ANO1: variants seen among roughly 807,000 people sequenced by gnomAD.
ANO1 encodes the protein anoctamin-1.
A neutral mutation model predicts 124.0 loss-of-function variants in ANO1; 59 were observed. The observed-to-expected ratio is 0.48, with a 90% CI of 0.39 to 0.59. The LOEUF is 0.59. Ranked by LOEUF, ANO1 falls within the 20% of genes least tolerant of loss-of-function variation. ANO1 has a pLI of 0.00. For missense variants in ANO1, 1,059 were observed against 1,328.0 expected, an observed-to-expected ratio of 0.80 and a Z score of 3.15; for synonymous variants, 529 against 532.0, an observed-to-expected ratio of 0.99 and a Z score of 0.08.
chr11:70,073,239 C>T (rs1367586822), intron 1 of ANO1, among the ~76,000 whole-genome samples: 1 of 152,184 alleles, frequency 6.6e-6, no homozygotes, highest in South Asian at 2.1e-4. Flanking sequence ...GCAGGGTTTC[C>T]GATACCAATG....
Position 70,161,719 on chromosome 11 carries a change from G to A in ANO1, c.1878G>A (p.Ala626=), listed in dbSNP as rs559371606. Residue 626 remains alanine (A), a synonymous_variant, in exon 18 of 26, where the codon GCG becomes GCA. Transcript: ENST00000355303. The part of the protein sequence containing the change: ...VNSYTPIFYV[A]FFKGRFVGRP... Reference sequence around the variant, plus strand: ...CCTACACCCCCATCTTTTACGTGGCGTTCTTCAAAGGCCGGTAGGGACATC... The same window carrying A: ...CCTACACCCCCATCTTTTACGTGGCATTCTTCAAAGGCCGGTAGGGACATC... The A allele has an allele frequency of 4.0e-5, 64 of 1,613,964 alleles. 1 individual carries two copies. Among genetic ancestry groups the A allele is most frequent in the Middle Eastern group, 1.6e-4 (1 of 6,062 alleles).
intron 1 of ANO1, among the ~76,000 whole-genome samples, chr11:70,024,508 C>A (rs575372473): frequency 6.6e-6 from 1 of 152,318 alleles, no homozygotes; most frequent in South Asian, 2.1e-4. Context: ...AGAGTGGTCC[C>A]AGCTAAGGTT....
chr11:70,088,965 C>A (rs574232387), intron 2 of ANO1, among the ~76,000 whole-genome samples: 4 of 152,234 alleles, frequency 2.6e-5, no homozygotes, highest in Non-Finnish European at 4.4e-5. Flanking sequence ...GTCGACCCCC[C>A]TCGAGTGCCT....
intron 2 of ANO1, 25 bp downstream of exon 2, chr11:70,088,109 TGTGGGGG>T: frequency 5.6e-5 from 9 of 160,204 alleles, no homozygotes; most frequent in African/African-American, 7.5e-5. Flanking sequence ...GCGCGCTGTT[TGTGGGGG>T]GTGGGGGGTG....
chr11:70,080,953 A>G (rs1348607970), intron 1 of ANO1, among the ~76,000 whole-genome samples: 1 of 152,202 alleles, frequency 6.6e-6, no homozygotes, highest in Non-Finnish European at 1.5e-5. Flanking sequence ...TTGCTCAGTC[A>G]TTACCCTGAG....
At chr11:70,039,964 CAGAAGG>C (rs1857156957) in intron 1 of ANO1, among the ~76,000 whole-genome samples, 1 of 152,108 alleles carries the variant, frequency 6.6e-6, no homozygotes, top group Non-Finnish European at 1.5e-5. Context: ...CTAGATGACC[CAGAAGG>C]AGTAGCAGAG....
At chr11:70,041,620 G>A (rs190391211) in intron 1 of ANO1, among the ~76,000 whole-genome samples, 34 of 152,130 alleles carry the variant, frequency 2.2e-4, no homozygotes, top group South Asian at 1.2e-3. Context: ...GTAGGTATTC[G>A]TGTAAGCACC....
intron 1 of ANO1, among the ~76,000 whole-genome samples, chr11:69,995,749 G>A (rs1856257380): frequency 6.6e-6 from 1 of 152,132 alleles, no homozygotes; most frequent in Non-Finnish European, 1.5e-5. Flanking sequence ...ATCACTGCTG[G>A]TATGGACCCC....
At chr11:69,997,989 C>A (rs181820260) in intron 1 of ANO1, among the ~76,000 whole-genome samples, 189 of 152,142 alleles carry the variant, frequency 1.2e-3, no homozygotes, top group Non-Finnish European at 9.0e-4. Context: ...TATAGCAGTG[C>A]GAGAATGGCC....
chr11:69,987,882 G>C (rs1856078025), intron 1 of ANO1, among the ~76,000 whole-genome samples: 1 of 152,228 alleles, frequency 6.6e-6, no homozygotes, highest in Non-Finnish European at 1.5e-5. Flanking sequence ...TCAGATCTGA[G>C]CTGTAATCAT....
In ANO1 at chr11:70,116,678, GCTT is replaced by G. The variant is rs975483368; in HGVS notation, c.897+180_897+182del. On this transcript the variant is annotated intron_variant, in intron 8 of 25. Transcript: ENST00000355303. ...ACCTTTTCAGGAGAAAAGTCCGTGA[GCTT>G]TGTGTGGCTGGTTTGTTTTCCTCTT... The G allele has an allele frequency of 1.0e-5, 6 of 584,040 alleles. No individual in the cohort carries two copies. In the African/African-American group the frequency reaches 1.1e-4, roughly 11 times the overall value. 36.2% of individuals were successfully genotyped at this position (584,040 alleles called of 1,614,324 possible). A position where few individuals can be genotyped will look rare whatever the true frequency, so the allele number is the denominator to read the frequency against.
At chr11:70,158,698 T>C (rs2047919497) in intron 16 of ANO1, among the ~76,000 whole-genome samples, 1 of 152,170 alleles carries the variant, frequency 6.6e-6, no homozygotes, top group Admixed American at 6.5e-5. Flanking sequence ...CCTGACCAAG[T>C]CATGGAAGAA....
intron 1 of ANO1, among the ~76,000 whole-genome samples, chr11:69,987,968 G>T (rs985658160): frequency 1.3e-5 from 2 of 152,274 alleles, no homozygotes; most frequent in East Asian, 1.9e-4. Context: ...TCGGCTGTGT[G>T]TGGGGTGGAA....
In ANO1 at chr11:70,007,521, C is replaced by T. The variant is rs181007492; in HGVS notation, c.58+21355C>T. Among the ~76,000 whole-genome samples the T allele has an allele frequency of 2.7e-3, 416 of 152,260 alleles. 2 individuals carry two copies. The highest frequency in any genetic ancestry group is 6.2e-3 in the Admixed American group (95 of 15,296). ...TCGATCTCCTGACCTCGTGATCCGC[C>T]GGCCCATCTTGGCCTCCCAAAGTGC... is the stretch of plus-strand genomic sequence containing the variant. On this transcript the variant is annotated intron_variant, in intron 1 of 27. Coordinates refer to the ANO1 transcript ENST00000531349.
intron 1 of ANO1, among the ~76,000 whole-genome samples, chr11:69,995,474 G>A (rs1023533369): frequency 6.6e-6 from 1 of 152,114 alleles, no homozygotes; most frequent in Admixed American, 6.6e-5. Context: ...TCTGTCCTAG[G>A]ATCCCCTCCA....
chr11:70,174,021 C>T (rs1291842282), intron 22 of ANO1, among the ~76,000 whole-genome samples: 4 of 151,120 alleles, frequency 2.6e-5, no homozygotes, highest in African/African-American at 7.3e-5. Context: ...CTGCAAACTC[C>T]GCCTCCCGGG....
chr11:70,039,720 G>A (rs144308649), intron 1 of ANO1, among the ~76,000 whole-genome samples: 104 of 152,244 alleles, frequency 6.8e-4, no homozygotes, highest in Non-Finnish European at 1.2e-3. Context: ...GCGTCCAGAA[G>A]TCCCTGAAGA....
chr11:69,976,875 A>G, the ANO1 span, among the ~76,000 whole-genome samples: 1 of 152,210 alleles, frequency 6.6e-6, no homozygotes, highest in Non-Finnish European at 1.5e-5. Context: ...GGGGCTTGAA[A>G]TGGGTCAGGC....
At chr11:70,097,397 C>T (rs1353598124) in intron 2 of ANO1, among the ~76,000 whole-genome samples, 1 of 152,196 alleles carries the variant, frequency 6.6e-6, no homozygotes, top group African/African-American at 2.4e-5. Context: ...CTATGGGGAG[C>T]CAGGTCTTCC....
Sources: gnomAD v4.1 joint callset for allele counts (sites outside exome capture counted in the v4.1 genomes callset) on GRCh38, gnomAD v4.1.1 for gene constraint, MANE v1.5 for transcripts, NCBI Gene and HGNC (gene_info 2026-07-23, HGNC 2026-07-21) for gene names.